LBR: variants seen among roughly 807,000 people sequenced by gnomAD.
LBR encodes lamin B receptor.
Under a neutral mutation model 74.3 loss-of-function variants are expected in LBR, and 28 were observed. The ratio of observed to expected loss-of-function variants is 0.38; its 90% CI spans 0.28 to 0.52. The LOEUF is 0.52. Among genes scored for constraint, LBR ranks in the 20% least tolerant of loss-of-function variants. The pLI is 0.89. For synonymous variants in LBR, 228 were observed against 269.3 expected (o/e 0.85, Z 1.50); for missense variants, 717 against 760.3 (o/e 0.94, Z 0.67).
At chr1:225,411,038 G>C (rs2096104191) in intron 9 of LBR, among the ~76,000 whole-genome samples, 1 of 152,190 alleles carries the variant, frequency 6.6e-6, no homozygotes, top group African/African-American at 2.4e-5. Flanking sequence ...ATTTAAAAAG[G>C]AGGAAAATGC....
chr1:225,419,225 C>T (rs1043219933), intron 5 of LBR, 38 bp downstream of exon 5: 17 of 1,604,546 alleles, frequency 1.1e-5, no homozygotes, highest in Admixed American at 1.7e-5. Flanking sequence ...CCCTAGCTCA[C>T]CCCACCTGCC....
chr1:225,411,381 C>T lies in LBR; in HGVS notation c.1144G>A (p.Asp382Asn). The T allele has an allele frequency of 6.2e-7, 1 of 1,614,052 alleles. No individual in the cohort carries two copies. The highest frequency in any genetic ancestry group is 1.1e-5 in the South Asian group (1 of 91,064). Reference sequence around the variant, plus strand: ...CGCAATTCACAAAAGTATTTGAGATCAAAAGTACCAATTCGAGGGTTTAAT... The same window carrying T: ...CGCAATTCACAAAAGTATTTGAGATTAAAAGTACCAATTCGAGGGTTTAAT... ...RELNPRIGTF[D>N]LKYFCELRPG... The change falls in exon 9 of 14, where the codon GAT becomes AAT. Residue 382 changes from aspartate (D) to asparagine (N), a missense_variant. Asp to Asn is a conservative substitution (Grantham distance 23). Transcript: ENST00000272163.
At chr1:225,406,914 G>A in intron 10 of LBR, 82 bp from the exon 11 acceptor site, 1 of 1,377,306 alleles carries the variant, frequency 7.3e-7, no homozygotes. Context: ...ACAGGCAAAT[G>A]TAAAAAGTGC....
At chr1:225,421,086 T>C (rs943045847) in intron 3 of LBR, among the ~76,000 whole-genome samples, 8 of 152,320 alleles carry the variant, frequency 5.3e-5, no homozygotes, top group African/African-American at 1.9e-4. Context: ...TACTATAGAA[T>C]ACAACAACAA....
At position 225,416,213 on chromosome 1, in the gene LBR, A is replaced by AAAGAG. The variant is rs1553397400; in HGVS notation, c.838-882_838-881insCTCTT. Reference sequence around the variant, plus strand: ...CCCTGTCTCAAGAAAAAAAAAAAAAAAGAGAGAGAGAGAGAGAGACTGTGA... The same window carrying AAAGAG: ...CCCTGTCTCAAGAAAAAAAAAAAAAAAAGAGAGAGAGAGAGAGAGAGAGACTGTGA... On this transcript the variant is annotated intron_variant, in intron 6 of 13. Coordinates refer to ENST00000272163, the MANE Select transcript of LBR (RefSeq NM_002296.4). Among the ~76,000 whole-genome samples, 196 of 137,890 alleles carry AAAGAG rather than the reference A, an allele frequency of 1.4e-3. 1 individual carries two copies. Among genetic ancestry groups the AAAGAG allele is most frequent in the African/African-American group, 4.7e-3 (179 of 38,134 alleles). 90.5% of individuals were successfully genotyped at this position (137,890 alleles called of 152,430 possible).
At chr1:225,405,773 TA>T (rs2096090225) in intron 11 of LBR, among the ~76,000 whole-genome samples, 2 of 152,222 alleles carry the variant, frequency 1.3e-5, no homozygotes, top group Non-Finnish European at 2.9e-5. Flanking sequence ...AGCTGAACTA[TA>T]AAATACACTG....
chr1:225,414,669 A>G (rs2096113580), intron 7 of LBR, among the ~76,000 whole-genome samples: 1 of 152,248 alleles, frequency 6.6e-6, no homozygotes, highest in Admixed American at 6.5e-5. Flanking sequence ...CAAGAGTGTC[A>G]CAATGAACAT....
At chr1:225,426,846 T>A (rs1375040714) in intron 1 of LBR, among the ~76,000 whole-genome samples, 7 of 152,194 alleles carry the variant, frequency 4.6e-5, no homozygotes, top group African/African-American at 1.7e-4. Flanking sequence ...TAAACATCCT[T>A]GGGCAGCTCA....
chr1:225,420,651 C>T (rs2096126029), intron 3 of LBR, among the ~76,000 whole-genome samples: 1 of 151,744 alleles, frequency 6.6e-6, no homozygotes, highest in Non-Finnish European at 1.5e-5. Context: ...GAAAGGATAA[C>T]AAAGTATCAC....
At chr1:225,410,719 T>C (rs1298323851) in intron 9 of LBR, among the ~76,000 whole-genome samples, 2 of 152,138 alleles carry the variant, frequency 1.3e-5, no homozygotes, top group Non-Finnish European at 2.9e-5. Flanking sequence ...CCAAAAAGTA[T>C]CAAGGTCATG....
At chr1:225,423,184 A>C (rs1351000537) in intron 2 of LBR, among the ~76,000 whole-genome samples, 2 of 152,226 alleles carry the variant, frequency 1.3e-5, no homozygotes, top group African/African-American at 4.8e-5. Flanking sequence ...ATCTGATAGT[A>C]AAACTGTGAG....
At chr1:225,421,018 CATT>C (rs1452224012) in intron 3 of LBR, among the ~76,000 whole-genome samples, 1 of 152,210 alleles carries the variant, frequency 6.6e-6, no homozygotes, top group Admixed American at 6.5e-5. Context: ...AAATGTCTAT[CATT>C]GACAGAGCTG....
chr1:225,420,641 G>T lies in LBR; in HGVS notation c.367-843C>A, dbSNP rs570653318. Among the ~76,000 whole-genome samples the T allele has an allele frequency of 8.5e-5, 13 of 152,250 alleles. No homozygotes were observed. The South Asian group carries it at 2.3e-3, about 27-fold the overall frequency. ...ATAGCAGTCACTAAATATTAAAAAT[G>T]AAAGGATAACAAAGTATCACACAGC... On this transcript the variant is annotated intron_variant, in intron 3 of 13. Transcript: ENST00000272163.
intron 1 of LBR, among the ~76,000 whole-genome samples, chr1:225,425,365 T>C (rs2096137031): frequency 6.6e-6 from 1 of 152,192 alleles, no homozygotes; most frequent in African/African-American, 2.4e-5. Context: ...CAAGTACTTA[T>C]CTGGTGATTA....
intron 1 of LBR, among the ~76,000 whole-genome samples, chr1:225,426,092 G>C (rs756145720): frequency 4.6e-5 from 7 of 152,174 alleles, no homozygotes; most frequent in Non-Finnish European, 7.4e-5. Flanking sequence ...CTTTTTAAAA[G>C]AAGAATTAAG....
chr1:225,417,824 A>T, intron 6 of LBR, 160 bp downstream of exon 6: 1 of 664,408 alleles, frequency 1.5e-6, no homozygotes, highest in Non-Finnish European at 2.6e-6. Context: ...TTTAACCTTT[A>T]AACTACTCTA....
intron 6 of LBR, among the ~76,000 whole-genome samples, chr1:225,416,087 T>TG (rs1420966226): frequency 6.6e-6 from 1 of 151,810 alleles, no homozygotes; most frequent in Non-Finnish European, 1.5e-5. Context: ...CACGCGCCTG[T>TG]GGTCCCAGCT....
chr1:225,402,030 G>C lies in LBR; in HGVS notation c.*1273C>G, dbSNP rs138408339. Reference sequence around the variant, plus strand: ...ATTTAACTCTGAACACAAAAGTTTAGTGAATTTGCTACTGTTCCATTACAG... The same window carrying C: ...ATTTAACTCTGAACACAAAAGTTTACTGAATTTGCTACTGTTCCATTACAG... On this transcript the variant is annotated 3_prime_UTR_variant, in exon 14 of 14. Transcript: ENST00000272163. 2.2e-4 allele frequency: 33 copies of C among 152,230 alleles called. 1 individual carries two copies. Among genetic ancestry groups the C allele is most frequent in the African/African-American group, 7.9e-4 (33 of 41,554 alleles). The allele number at this position is 152,230 out of a possible 1,614,324, so 9.4% of individuals were successfully genotyped here.
Position 225,411,376 on chromosome 1 carries a change from G to A in LBR, c.1149C>T (p.Leu383=), listed in dbSNP as rs754361310. The part of the protein sequence containing the change: ...ELNPRIGTFD[L]KYFCELRPGL... ...CGGGGCGCAATTCACAAAAGTATTT[G>A]AGATCAAAAGTACCAATTCGAGGGT... The change falls in exon 9 of 14, where the codon CTC becomes CTT. Residue 383 remains leucine, a synonymous_variant. Coordinates refer to ENST00000272163, the MANE Select transcript of LBR (RefSeq NM_002296.4). The A allele has an allele frequency of 1.9e-6, 3 of 1,614,038 alleles. No individual in the cohort carries two copies. The East Asian group carries it at 6.7e-5, about 36-fold the overall frequency.
Sources: allele counts gnomAD v4.1 joint callset (sites outside exome capture counted in the v4.1 genomes callset), GRCh38; gene constraint gnomAD v4.1.1; transcripts MANE v1.5; gene names NCBI Gene and HGNC (gene_info 2026-07-23, HGNC 2026-07-21).